Variants in CCDC85C observed in about 807,000 individuals in gnomAD.
CCDC85C encodes coiled-coil domain containing 85C.
A neutral mutation model predicts 38.3 loss-of-function variants in CCDC85C; 18 were observed. The observed-to-expected ratio is 0.47, with a 90% CI of 0.33 to 0.70. CCDC85C has a LOEUF of 0.70. Among genes scored for constraint, CCDC85C ranks in the 30% least tolerant of loss-of-function variants. The pLI is 0.03. For missense variants in CCDC85C, 566 were observed against 621.2 expected (o/e 0.91, Z 0.94); for synonymous variants, 264 against 293.8 (o/e 0.90, Z 1.04).
Position 99,511,573 on chromosome 14 carries a change from A to G in CCDC85C, c.*3673T>C, listed in dbSNP as rs573384662. ...TCCAGGCCTTCGCAGTCTGTGGCTT[A>G]TAAAATGTGCAGAGGCCCTCCTTCC... On this transcript the variant is annotated 3_prime_UTR_variant, in exon 6 of 6. Transcript: ENST00000380243. 6.6e-6 allele frequency: 1 copy of G among 152,612 alleles called. No homozygotes were observed. Among genetic ancestry groups the G allele is most frequent in the South Asian group, 2.1e-4 (1 of 4,832 alleles). The allele number at this position is 152,612 out of a possible 1,614,324, so 9.5% of individuals were successfully genotyped here.
chr14:99,553,960 G>T lies in CCDC85C; in HGVS notation c.794-17872C>A, dbSNP rs544031740. ...CAGGGTCCTGCCTCTCCCATCCCAG[G>T]AAGCCACTGATTCTGCACTCTGGGA... On this transcript the variant is annotated intron_variant, in intron 1 of 5. Coordinates refer to ENST00000380243, the MANE Select transcript of CCDC85C (RefSeq NM_001144995.2). Among the ~76,000 whole-genome samples the T allele has an allele frequency of 2.0e-5, 3 of 152,274 alleles. No homozygotes were observed. The South Asian group carries it at 6.2e-4, about 32-fold the overall frequency.
rs796215988 is a variant in CCDC85C, at chr14:99,501,080, G to A, written c.*14166C>T. On this transcript the variant is annotated 3_prime_UTR_variant, in exon 6 of 6. Coordinates refer to ENST00000380243, the MANE Select transcript of CCDC85C (RefSeq NM_001144995.2). ...AGGCTCTGTCATCCAGTTGCCAAGT[G>A]ATGGGAGAGGCAGGAAAATGAGGCA... 7 of 601,620 alleles carry A rather than the reference G, an allele frequency of 1.2e-5. No individual in the cohort carries two copies. The African/African-American group carries it at 1.3e-4, about 11-fold the overall frequency. 37.3% of individuals were successfully genotyped at this position (601,620 alleles called of 1,614,324 possible).
At chr14:99,554,594 C>A (rs1181364045) in intron 1 of CCDC85C, among the ~76,000 whole-genome samples, 2 of 152,154 alleles carry the variant, frequency 1.3e-5, no homozygotes, top group Non-Finnish European at 2.9e-5. Context: ...AAATGAGGAC[C>A]CCGGTCAATG....
intron 1 of CCDC85C, among the ~76,000 whole-genome samples, chr14:99,567,621 T>A (rs569455343): frequency 8.5e-5 from 13 of 152,094 alleles, no homozygotes; most frequent in Non-Finnish European, 8.8e-5. Context: ...GGTCAGGAGT[T>A]CAAGACCAGC....
chr14:99,581,839 T>A (rs1001427479), intron 1 of CCDC85C, among the ~76,000 whole-genome samples: 2 of 152,188 alleles, frequency 1.3e-5, no homozygotes, highest in African/African-American at 4.8e-5. Context: ...AAGGAGCTGG[T>A]CAGAAAGGTC....
chr14:99,501,655 A>G lies in CCDC85C; in HGVS notation c.*13591T>C. The G allele has an allele frequency of 1.9e-6, 1 of 519,760 alleles. No homozygotes were observed. The allele number at this position is 519,760 out of a possible 1,614,324, so 32.2% of individuals were successfully genotyped here. A position where few individuals can be genotyped will look rare whatever the true frequency, so the allele number is the denominator to read the frequency against. On this transcript the variant is annotated 3_prime_UTR_variant, in exon 6 of 6. Transcript: ENST00000380243. ...TGAAATTTTATCACCAGTCTGAAAC[A>G]TAAGTCCAAAACAATACACTGGAGA... is the stretch of plus-strand genomic sequence containing the variant.
At position 99,576,263 on chromosome 14, in the gene CCDC85C, G is replaced by A. The variant is rs1484123254; in HGVS notation, c.793+26904C>T. The stretch of plus-strand genomic sequence containing the variant: ...TGGCTGCTTTGCACACAGGCCTCCC[G>A]AAGCCCACCCTCTGACCCCATCTAA... On this transcript the variant is annotated intron_variant, in intron 1 of 5. Coordinates refer to ENST00000380243, the MANE Select transcript of CCDC85C (RefSeq NM_001144995.2). This position sits in a 1 kb window ranked among gnomAD's most constrained non-coding sequence, Gnocchi z 4.8. Among the ~76,000 whole-genome samples, 4 of 152,150 alleles carry A rather than the reference G, an allele frequency of 2.6e-5. No individual in the cohort carries two copies. The highest frequency in any genetic ancestry group is 2.9e-5 in the Non-Finnish European group (2 of 68,018).
Position 99,603,367 on chromosome 14 carries a change from C to T in CCDC85C, c.593G>A (p.Gly198Glu), listed in dbSNP as rs1269823995. 2.4e-6 allele frequency: 3 copies of T among 1,258,852 alleles called. No individual in the cohort carries two copies. In the African/African-American group the frequency reaches 4.7e-5, roughly 20 times the overall value. 78.0% of individuals were successfully genotyped at this position (1,258,852 alleles called of 1,614,324 possible). A position where few individuals can be genotyped will look rare whatever the true frequency, so the allele number is the denominator to read the frequency against. ...GCTGCCGTCGCCCACGTCGCGGGCCCCCGCGCCGGGCGCGCCACCCGACAG... is the reference window on the plus strand; with the variant it reads ...GCTGCCGTCGCCCACGTCGCGGGCCTCCGCGCCGGGCGCGCCACCCGACAG... ...GPLSGGAPGA[G>E]ARDVGDGSST... The change falls in exon 1 of 6, where the codon GGG becomes GAG. Residue 198 changes from glycine to glutamate, a missense_variant. Physicochemically the swap from Gly to Glu is moderately conservative, Grantham distance 98. This residue lies in a region of CCDC85C where 269 missense variants were observed against 308.2 expected (regional missense o/e 0.87). Coordinates refer to ENST00000380243, the MANE Select transcript of CCDC85C (RefSeq NM_001144995.2). The surrounding 1 kb of genome is among the most constrained non-coding windows in gnomAD (Gnocchi z 7.5).
chr14:99,553,672 A>G (rs1897957150), intron 1 of CCDC85C, among the ~76,000 whole-genome samples: 1 of 152,118 alleles, frequency 6.6e-6, no homozygotes, highest in Admixed American at 6.5e-5. Context: ...ATGGCTCTTG[A>G]ACACGTGGCA....
intron 3 of CCDC85C, among the ~76,000 whole-genome samples, chr14:99,517,719 A>C (rs1439349760): frequency 6.6e-6 from 1 of 152,152 alleles, no homozygotes; most frequent in Non-Finnish European, 1.5e-5. Context: ...CCAGGTGCCC[A>C]GCTCCCACAT....
intron 1 of CCDC85C, chr14:99,579,974 C>G (rs112761781): frequency 0.067 from 29,835 of 445,710 alleles, 1,878 homozygotes; most frequent in African/African-American, 0.19. Context: ...GGGCATTAAT[C>G]ACCTCAGCAG....
At chr14:99,528,892 T>C (rs1191885299) in intron 2 of CCDC85C, among the ~76,000 whole-genome samples, 1 of 152,100 alleles carries the variant, frequency 6.6e-6, no homozygotes, top group Non-Finnish European at 1.5e-5. Context: ...ATGCTGGGCT[T>C]ATTACCTAGG....
chr14:99,549,676 C>T (rs902759857), intron 1 of CCDC85C, among the ~76,000 whole-genome samples: 6 of 152,176 alleles, frequency 3.9e-5, no homozygotes, highest in Admixed American at 3.3e-4. Context: ...TGGACCTGCC[C>T]GGTTAGAAGC....
rs539692181 is a variant in CCDC85C, at chr14:99,559,475, T to C, written c.794-23387A>G. Among the ~76,000 whole-genome samples the C allele has an allele frequency of 1.6e-4, 21 of 129,800 alleles. No homozygotes were observed. The South Asian group carries it at 4.5e-3, about 28-fold the overall frequency. 85.2% of individuals were successfully genotyped at this position (129,800 alleles called of 152,430 possible). A position where few individuals can be genotyped will look rare whatever the true frequency, so the allele number is the denominator to read the frequency against. The stretch of plus-strand genomic sequence containing the variant: ...ACTGACGAGAGAAGGCTGAGCAAAT[T>C]CCAGACACACTTCGTCACCCACCAC... On this transcript the variant is annotated intron_variant, in intron 1 of 5. Coordinates refer to ENST00000380243, the MANE Select transcript of CCDC85C (RefSeq NM_001144995.2).
rs1278738580 is a variant in CCDC85C at position 99,572,201 on chromosome 14, A to G, written c.793+30966T>C. Among the ~76,000 whole-genome samples, 1 of 152,176 alleles carries G rather than the reference A, an allele frequency of 6.6e-6. No individual in the cohort carries two copies. The highest frequency in any genetic ancestry group is 1.9e-4 in the East Asian group (1 of 5,192). Reference sequence around the variant, plus strand: ...TAGAAAGACCTCCAGGGTGGGCTTCAGTGGCCCTGGCCCCAGCAGCGTTAG... The same window carrying G: ...TAGAAAGACCTCCAGGGTGGGCTTCGGTGGCCCTGGCCCCAGCAGCGTTAG... On this transcript the variant is annotated intron_variant, in intron 1 of 5. Coordinates refer to ENST00000380243, the MANE Select transcript of CCDC85C (RefSeq NM_001144995.2). This position sits in a 1 kb window ranked among gnomAD's most constrained non-coding sequence, Gnocchi z 4.4.
In CCDC85C at chr14:99,512,346, C is replaced by G. The variant is rs1341565449; in HGVS notation, c.*2900G>C. ...AGAAACCAGACGTTCCAGTCCATCT[C>G]CAAAAAGCAGCACAAATACTTTGCC... On this transcript the variant is annotated 3_prime_UTR_variant, in exon 6 of 6. Coordinates refer to ENST00000380243, the MANE Select transcript of CCDC85C (RefSeq NM_001144995.2). 6.6e-6 allele frequency: 1 copy of G among 151,872 alleles called. No homozygotes were observed. Among genetic ancestry groups the G allele is most frequent in the African/African-American group, 2.4e-5 (1 of 41,318 alleles). The allele number at this position is 151,872 out of a possible 1,614,324, so 9.4% of individuals were successfully genotyped here.
intron 1 of CCDC85C, among the ~76,000 whole-genome samples, chr14:99,593,788 A>G (rs1192555455): frequency 1.3e-5 from 2 of 152,050 alleles, no homozygotes; most frequent in Non-Finnish European, 2.9e-5. Context: ...ACCCAGCAGA[A>G]CCTCCAGAGC....
At position 99,558,985 on chromosome 14, in the gene CCDC85C, C is replaced by T. The variant is rs893243412; in HGVS notation, c.794-22897G>A. ...TTGTTTAAAGTGTGTGGCTCCTCCC[C>T]GCACTCTACTCCCCTCTTTCTCCTG... is the stretch of plus-strand genomic sequence containing the variant. On this transcript the variant is annotated intron_variant, in intron 1 of 5. Coordinates refer to ENST00000380243, the MANE Select transcript of CCDC85C (RefSeq NM_001144995.2). The surrounding 1 kb of genome is among the most constrained non-coding windows in gnomAD (Gnocchi z 4.2). Among the ~76,000 whole-genome samples the T allele has an allele frequency of 1.3e-5, 2 of 152,098 alleles. No homozygotes were observed. The highest frequency in any genetic ancestry group is 2.4e-5 in the African/African-American group (1 of 41,402).
intron 1 of CCDC85C, among the ~76,000 whole-genome samples, chr14:99,595,116 C>T (rs892995238): frequency 2.6e-5 from 4 of 152,224 alleles, no homozygotes; most frequent in African/African-American, 9.7e-5. Context: ...ACCCCACCGG[C>T]CCTGGCCTTG....
Sources: allele counts gnomAD v4.1 joint callset (sites outside exome capture counted in the v4.1 genomes callset), GRCh38; gene constraint gnomAD v4.1.1; regional missense constraint gnomAD v4.1.1; non-coding constraint Gnocchi (gnomAD v3.1); transcripts MANE v1.5; gene names NCBI Gene and HGNC (gene_info 2026-07-23, HGNC 2026-07-21).